Variants in DNAJC6 observed in about 807,000 individuals in gnomAD.
DNAJC6 encodes DnaJ heat shock protein family (Hsp40) member C6, also known as auxilin.
A neutral mutation model predicts 110.0 loss-of-function variants in DNAJC6; 34 were observed. That is an observed-to-expected ratio of 0.31 (90% CI 0.24 to 0.41). DNAJC6 has a LOEUF of 0.41. Among genes scored for constraint, DNAJC6 ranks in the 10% least tolerant of loss-of-function variants. The pLI, the probability that DNAJC6 is intolerant of heterozygous loss-of-function variation, is 1.00. For synonymous variants in DNAJC6, 406 were observed against 437.2 expected (o/e 0.93, Z 0.89); for missense variants, 1,031 against 1,207.8 (o/e 0.85, Z 2.17).
At chr1:65,292,621 G>A (rs1227409285) in intron 1 of DNAJC6, among the ~76,000 whole-genome samples, 4 of 151,790 alleles carry the variant, frequency 2.6e-5, no homozygotes, top group African/African-American at 7.3e-5. Flanking sequence ...TTTTTGTAGA[G>A]ATGGGGTCTC....
At chr1:65,408,850 A>G (rs1570388406) in intron 17 of DNAJC6, 67 bp downstream of exon 17, 1 of 1,561,820 alleles carries the variant, frequency 6.4e-7, no homozygotes, top group Non-Finnish European at 8.7e-7. Context: ...AGTCATGTGT[A>G]TGGAGCTATC....
intron 1 of DNAJC6, among the ~76,000 whole-genome samples, chr1:65,362,409 C>A (rs1478515682): frequency 2.0e-5 from 3 of 151,854 alleles, no homozygotes; most frequent in Non-Finnish European, 4.4e-5. Flanking sequence ...TTATATATTG[C>A]AAGTTTTGAA....
At chr1:65,284,477 C>T (rs983978981) in intron 1 of DNAJC6, among the ~76,000 whole-genome samples, 4 of 152,134 alleles carry the variant, frequency 2.6e-5, no homozygotes, top group African/African-American at 9.7e-5. Context: ...CACACCTCTC[C>T]TCTAGTACTG....
intron 1 of DNAJC6, among the ~76,000 whole-genome samples, chr1:65,288,287 G>A (rs1200040837): frequency 2.0e-5 from 3 of 152,156 alleles, no homozygotes; most frequent in African/African-American, 7.2e-5. Flanking sequence ...TCTAAAATTT[G>A]TTGCTGTTTT....
At chr1:65,359,857 C>T (rs1645581610) in intron 1 of DNAJC6, among the ~76,000 whole-genome samples, 1 of 152,200 alleles carries the variant, frequency 6.6e-6, no homozygotes, top group Non-Finnish European at 1.5e-5. Flanking sequence ...GGGTACTTTA[C>T]TTCTGGACAT....
intron 14 of DNAJC6, among the ~76,000 whole-genome samples, chr1:65,399,952 G>A (rs12726933): frequency 0.44 from 67,487 of 152,006 alleles, 15,716 homozygotes; most frequent in Middle Eastern, 0.58. Context: ...AGGCTGATGT[G>A]GGAGGATCCC....
chr1:65,369,534 A>G (rs1462344911), intron 4 of DNAJC6, among the ~76,000 whole-genome samples: 1 of 152,158 alleles, frequency 6.6e-6, no homozygotes, highest in Non-Finnish European at 1.5e-5. Flanking sequence ...TAAATACTAA[A>G]CATGGAACTG....
At chr1:65,285,588 C>G (rs992928518) in intron 1 of DNAJC6, among the ~76,000 whole-genome samples, 24 of 152,152 alleles carry the variant, frequency 1.6e-4, no homozygotes, top group African/African-American at 5.6e-4. Flanking sequence ...GTGTTCCCAA[C>G]CATTTTTCCC....
At chr1:65,391,527 T>G (rs1020534182) in intron 11 of DNAJC6, among the ~76,000 whole-genome samples, 9 of 152,178 alleles carry the variant, frequency 5.9e-5, no homozygotes, top group African/African-American at 2.2e-4. Flanking sequence ...TTTCACTTTT[T>G]AAATGTGTGG....
At chr1:65,306,972 TTCTCTCTCTCTCTCTCTCTCTC>T (rs144458447), upstream of DNAJC6, among the ~76,000 whole-genome samples, 3,481 of 90,438 alleles carry the variant, frequency 0.038, 104 homozygotes, top group South Asian at 0.16. Context: ...CTCAATCTGT[TTCTCTCTCTCTCTCTCTCTCTC>T]TCTCTCTCTC....
intron 1 of DNAJC6, among the ~76,000 whole-genome samples, chr1:65,322,064 T>C (rs1645201890): frequency 6.6e-6 from 1 of 152,250 alleles, no homozygotes; most frequent in Admixed American, 6.5e-5. Context: ...CTGTCTCCAT[T>C]ATGCCTCTCA....
At chr1:65,269,361 C>T (rs973092087) in intron 1 of DNAJC6, among the ~76,000 whole-genome samples, 5 of 149,372 alleles carry the variant, frequency 3.3e-5, no homozygotes, top group Non-Finnish European at 5.9e-5. Context: ...GAGTGAGACC[C>T]TGTCTCAAAA....
intron 1 of DNAJC6, among the ~76,000 whole-genome samples, chr1:65,359,721 A>C (rs1645580235): frequency 1.3e-5 from 2 of 152,174 alleles, no homozygotes; most frequent in Admixed American, 6.5e-5. Context: ...AGGGTTGGAA[A>C]ACTTTTTCTG....
chr1:65,412,130 A>T (rs750623918), intron 18 of DNAJC6, among the ~76,000 whole-genome samples: 1 of 152,230 alleles, frequency 6.6e-6, no homozygotes, highest in Non-Finnish European at 1.5e-5. Flanking sequence ...AAAATTTGTG[A>T]GAATCAATAA....
At chr1:65,372,867 T>C (rs567869753) in intron 4 of DNAJC6, among the ~76,000 whole-genome samples, 20 of 152,324 alleles carry the variant, frequency 1.3e-4, no homozygotes, top group African/African-American at 4.8e-4. Flanking sequence ...TTTTTAAAAA[T>C]TTGAGTTAAA....
At chr1:65,391,800 C>G (rs4512686) in intron 11 of DNAJC6, among the ~76,000 whole-genome samples, 73,719 of 151,972 alleles carry the variant, frequency 0.49, 18,328 homozygotes, top group Middle Eastern at 0.64. Flanking sequence ...TTTATTTAGA[C>G]ACAGTTTCAC....
intron 15 of DNAJC6, among the ~76,000 whole-genome samples, chr1:65,405,359 G>A (rs895658274): frequency 1.3e-5 from 2 of 152,192 alleles, no homozygotes; most frequent in Non-Finnish European, 2.9e-5. Flanking sequence ...CACTAACCAT[G>A]CTTTATAACA....
chr1:65,322,097 C>A (rs548100156), intron 1 of DNAJC6, among the ~76,000 whole-genome samples: 15 of 152,282 alleles, frequency 9.9e-5, no homozygotes, highest in African/African-American at 3.6e-4. Context: ...GGCTGGGAAA[C>A]TTTCACACAC....
intron 1 of DNAJC6, among the ~76,000 whole-genome samples, chr1:65,293,073 T>TAAAACAGTA (rs1408262697): frequency 6.6e-6 from 1 of 152,208 alleles, no homozygotes; most frequent in African/African-American, 2.4e-5. Flanking sequence ...CTGGAGCTGG[T>TAAAACAGTA]AAAACAGTAC....
Sources: gnomAD v4.1 joint callset for allele counts (sites outside exome capture counted in the v4.1 genomes callset) on GRCh38, gnomAD v4.1.1 for gene constraint, MANE v1.5 for transcripts, NCBI Gene and HGNC (gene_info 2026-07-23, HGNC 2026-07-21) for gene names.